Variants in LRP1B observed in about 807,000 individuals in gnomAD.
LRP1B encodes LDL receptor related protein 1B.
In LRP1B, 217 loss-of-function variants were observed where a neutral mutation model predicts 556.6. That is an observed-to-expected ratio of 0.39 (90% CI 0.35 to 0.44). The LOEUF is 0.44. Ranked by LOEUF, LRP1B falls within the 20% of genes least tolerant of loss-of-function variation. LRP1B has a pLI of 1.00. For missense variants in LRP1B, 5,053 were observed against 5,620.8 expected, an observed-to-expected ratio of 0.90 and a Z score of 3.23; for synonymous variants, 2,047 against 1,865.8, an observed-to-expected ratio of 1.10 and a Z score of -2.50.
At chr2:140,923,976 T>A (rs1411790134) in intron 20 of LRP1B, among the ~76,000 whole-genome samples, 1 of 152,078 alleles carries the variant, frequency 6.6e-6, no homozygotes, top group South Asian at 2.1e-4. Flanking sequence ...TCTAATGAGA[T>A]ATATTAATCT....
At chr2:141,312,761 T>C (rs1686862028) in intron 3 of LRP1B, among the ~76,000 whole-genome samples, 1 of 152,048 alleles carries the variant, frequency 6.6e-6, no homozygotes. Context: ...CAATCTCCAC[T>C]CACTGCAGCC....
intron 2 of LRP1B, among the ~76,000 whole-genome samples, chr2:141,506,119 G>A (rs1683926955): frequency 6.6e-6 from 1 of 151,934 alleles, no homozygotes; most frequent in African/African-American, 2.4e-5. Context: ...GCCTCAAAAT[G>A]TTAACATTCT....
chr2:141,014,500 C>G (rs1573982247), intron 13 of LRP1B, among the ~76,000 whole-genome samples: 1 of 151,724 alleles, frequency 6.6e-6, no homozygotes, highest in African/African-American at 2.4e-5. Context: ...ACTTTTTCAC[C>G]TTTTACCATA....
At chr2:141,742,735 T>C (rs1364024758) in intron 2 of LRP1B, among the ~76,000 whole-genome samples, 2 of 152,168 alleles carry the variant, frequency 1.3e-5, no homozygotes, top group Non-Finnish European at 2.9e-5. Context: ...ATATTGTTTC[T>C]TCAAATCCAT....
intron 10 of LRP1B, among the ~76,000 whole-genome samples, chr2:141,052,885 G>A (rs545960223): frequency 6.6e-6 from 1 of 152,024 alleles, no homozygotes; most frequent in African/African-American, 2.4e-5. Context: ...TGATCCACCT[G>A]CCTCAGCCTC....
At chr2:140,793,002 A>T (rs1019455598) in intron 32 of LRP1B, among the ~76,000 whole-genome samples, 1 of 152,088 alleles carries the variant, frequency 6.6e-6, no homozygotes, top group South Asian at 2.1e-4. Flanking sequence ...CTATAAGCAT[A>T]CAGTATAGTA....
intron 32 of LRP1B, among the ~76,000 whole-genome samples, chr2:140,803,290 T>TTTTC (rs869303438): frequency 7.8e-5 from 9 of 115,280 alleles, no homozygotes; most frequent in African/African-American, 2.1e-4. Context: ...TTTTTTTTTT[T>TTTTC]CCGAGATGGA....
intron 86 of LRP1B, among the ~76,000 whole-genome samples, chr2:140,254,540 G>GT (rs1010073543): frequency 6.6e-6 from 1 of 151,706 alleles, no homozygotes; most frequent in East Asian, 1.9e-4. Context: ...TTGTTTGTTT[G>GT]TTTGTTTTGT....
intron 2 of LRP1B, among the ~76,000 whole-genome samples, chr2:141,651,395 G>A (rs1256684076): frequency 2.6e-5 from 4 of 152,182 alleles, no homozygotes; most frequent in African/African-American, 9.7e-5. Flanking sequence ...CAGGCACGGT[G>A]GTTTACGCCT....
At chr2:140,304,280 T>C (rs529321121) in intron 83 of LRP1B, among the ~76,000 whole-genome samples, 370 of 152,284 alleles carry the variant, frequency 2.4e-3, no homozygotes, top group Middle Eastern at 0.014. Flanking sequence ...ACTGGTTCAG[T>C]GTAAAAGTGT....
At chr2:142,030,550 A>C (rs1354953216) in intron 1 of LRP1B, among the ~76,000 whole-genome samples, 1 of 151,930 alleles carries the variant, frequency 6.6e-6, no homozygotes, top group Non-Finnish European at 1.5e-5. Context: ...ATGAAGGAAT[A>C]ATTTAAAAAG....
At chr2:141,729,902 C>A (rs1165776957) in intron 2 of LRP1B, among the ~76,000 whole-genome samples, 1 of 152,026 alleles carries the variant, frequency 6.6e-6, no homozygotes, top group African/African-American at 2.4e-5. Context: ...AGTCTGATAA[C>A]CTGCAAAGAG....
In LRP1B at chr2:140,883,032, T is replaced by A. The variant is rs142060021; in HGVS notation, c.4169+785A>T. 5.8e-3 allele frequency among the ~76,000 whole-genome samples: 883 copies of A among 152,306 alleles called. 6 individuals are homozygous for A. The highest frequency in any genetic ancestry group is 0.021 in the African/African-American group (853 of 41,558). On this transcript the variant is annotated intron_variant, in intron 25 of 90. Coordinates refer to ENST00000389484, the MANE Select transcript of LRP1B (RefSeq NM_018557.3). ...AGTTGCATATTATCTCCCATGTATATCATCTCCTTAAAAACAACTGAAGGA... is the reference window on the plus strand; with the variant it reads ...AGTTGCATATTATCTCCCATGTATAACATCTCCTTAAAAACAACTGAAGGA...
chr2:140,902,344 A>T (rs1015260443), intron 23 of LRP1B, among the ~76,000 whole-genome samples: 1 of 152,134 alleles, frequency 6.6e-6, no homozygotes, highest in Non-Finnish European at 1.5e-5. Flanking sequence ...AATGGGCAAC[A>T]TTACTTGAAA....
intron 1 of LRP1B, among the ~76,000 whole-genome samples, chr2:142,090,502 T>C (rs1248686785): frequency 6.6e-6 from 1 of 152,124 alleles, no homozygotes; most frequent in Non-Finnish European, 1.5e-5. Context: ...ACAGGAAAGA[T>C]AATGAGAACC....
chr2:141,878,062 T>A (rs1362762465), intron 1 of LRP1B, among the ~76,000 whole-genome samples: 6 of 150,990 alleles, frequency 4.0e-5, no homozygotes, highest in African/African-American at 1.5e-4. Context: ...AACAACTCAG[T>A]TTTGGAACAC....
intron 1 of LRP1B, among the ~76,000 whole-genome samples, chr2:142,070,988 A>T (rs979605985): frequency 6.6e-6 from 1 of 151,886 alleles, no homozygotes. Context: ...TTTACAGAAA[A>T]GTAAATTGAG....
chr2:142,115,251 A>G (rs2104997335), intron 1 of LRP1B, among the ~76,000 whole-genome samples: 1 of 151,090 alleles, frequency 6.6e-6, no homozygotes, highest in South Asian at 2.1e-4. Flanking sequence ...ACAGAGAAAA[A>G]AAAATACAAG....
At chr2:140,967,693 T>C (rs1341028008) in intron 18 of LRP1B, among the ~76,000 whole-genome samples, 5 of 151,792 alleles carry the variant, frequency 3.3e-5, no homozygotes, top group Non-Finnish European at 5.9e-5. Context: ...AAATAGCTCT[T>C]ATTATTTTGA....
Sources: gnomAD v4.1 joint callset for allele counts (sites outside exome capture counted in the v4.1 genomes callset) on GRCh38, gnomAD v4.1.1 for gene constraint, MANE v1.5 for transcripts, NCBI Gene and HGNC (gene_info 2026-07-23, HGNC 2026-07-21) for gene names.